The following SGCD variants were observed in gnomAD, a reference collection of about 807,000 sequenced individuals.
The protein encoded by SGCD is delta-sarcoglycan.
A neutral mutation model predicts 36.6 loss-of-function variants in SGCD; 18 were observed. That is an observed-to-expected ratio of 0.49 (90% CI 0.34 to 0.73). The LOEUF (loss-of-function observed/expected upper bound fraction) is 0.73, where lower values mean the gene tolerates loss of function less well. Ranked by LOEUF, SGCD falls within the 30% of genes least tolerant of loss-of-function variation. SGCD has a pLI of 0.01. For missense variants in SGCD, 387 were observed against 346.7 expected (o/e 1.12, Z -0.92); for synonymous variants, 133 against 130.6 (o/e 1.02, Z -0.12).
chr5:156,337,271 C>T (rs1209525952), intron 2 of SGCD, among the ~76,000 whole-genome samples: 2 of 152,182 alleles, frequency 1.3e-5, no homozygotes, highest in Admixed American at 1.3e-4. Flanking sequence ...GTTACAATCT[C>T]ATAGTTACAT....
At chr5:156,383,226 G>A (rs1312581996) in intron 3 of SGCD, among the ~76,000 whole-genome samples, 2 of 152,088 alleles carry the variant, frequency 1.3e-5, no homozygotes, top group Non-Finnish European at 2.9e-5. Context: ...GGTATTGGCC[G>A]GGTGTGGTAG....
intron 3 of SGCD, among the ~76,000 whole-genome samples, chr5:156,412,962 AT>A (rs1282668211): frequency 2.0e-5 from 3 of 150,446 alleles, no homozygotes; most frequent in Admixed American, 6.6e-5. Context: ...CGCCCAGCTA[AT>A]TTTTTTTGTA....
At chr5:156,475,191 T>G (rs776821515) in intron 3 of SGCD, among the ~76,000 whole-genome samples, 10 of 152,270 alleles carry the variant, frequency 6.6e-5, no homozygotes, top group Non-Finnish European at 1.3e-4. Flanking sequence ...AGTTAGCCAT[T>G]CTCCAAGATA....
intron 1 of SGCD, among the ~76,000 whole-genome samples, chr5:155,876,439 T>G (rs1374747866): frequency 1.3e-5 from 2 of 151,922 alleles, no homozygotes; most frequent in Non-Finnish European, 2.9e-5. Context: ...TGAATGGAAG[T>G]GGTTGTGTTA....
chr5:156,683,987 A>G (rs1047876285), intron 7 of SGCD, among the ~76,000 whole-genome samples: 1 of 152,238 alleles, frequency 6.6e-6, no homozygotes, highest in African/African-American at 2.4e-5. Context: ...TTTAACTCAT[A>G]TGTTCACTAG....
chr5:155,993,337 CTTTTTTTTTTTTT>C (rs34221751), intron 1 of SGCD, among the ~76,000 whole-genome samples: 1 of 114,538 alleles, frequency 8.7e-6, no homozygotes, highest in Non-Finnish European at 1.8e-5. Context: ...ATCTGGGGTC[CTTTTTTTTTTTTT>C]TTTTTTTTGA....
At chr5:156,590,958 T>C (rs10475732) in intron 5 of SGCD, among the ~76,000 whole-genome samples, 3,806 of 152,124 alleles carry the variant, frequency 0.025, 122 homozygotes, top group African/African-American at 0.065. Flanking sequence ...CTTGACTCTA[T>C]CCCTCCAGTG....
intron 3 of SGCD, among the ~76,000 whole-genome samples, chr5:156,364,492 T>C (rs1769985118): frequency 6.6e-6 from 1 of 152,168 alleles, no homozygotes; most frequent in Non-Finnish European, 1.5e-5. Context: ...TTGCATAAAT[T>C]GAAAAACCCT....
chr5:155,978,440 AAC>A (rs1190935528), intron 1 of SGCD, among the ~76,000 whole-genome samples: 1 of 152,238 alleles, frequency 6.6e-6, no homozygotes, highest in African/African-American at 2.4e-5. Context: ...AAGGAATGAA[AAC>A]ACAGGCCATA....
the SGCD span, among the ~76,000 whole-genome samples, chr5:155,777,700 AAGG>A: frequency 6.6e-6 from 1 of 152,100 alleles, no homozygotes; most frequent in Non-Finnish European, 1.5e-5. Context: ...TTAGCAGTGA[AAGG>A]AGCCACTGAC....
intron 7 of SGCD, among the ~76,000 whole-genome samples, chr5:156,688,483 A>T (rs1159943764): frequency 6.6e-6 from 1 of 152,158 alleles, no homozygotes. Context: ...ACTCATTCTG[A>T]TTAATTACCT....
chr5:156,042,518 G>T (rs1759663309), intron 1 of SGCD, among the ~76,000 whole-genome samples: 1 of 152,204 alleles, frequency 6.6e-6, no homozygotes, highest in South Asian at 2.1e-4. Context: ...CTGGCTGAAT[G>T]AGAGACTGGA....
intron 1 of SGCD, among the ~76,000 whole-genome samples, chr5:156,047,400 G>A (rs1323344354): frequency 6.6e-6 from 1 of 152,148 alleles, no homozygotes; most frequent in African/African-American, 2.4e-5. Flanking sequence ...AAGGGGAGAA[G>A]TCAATGCCTG....
the SGCD span, among the ~76,000 whole-genome samples, chr5:155,773,137 G>C: frequency 1.3e-5 from 2 of 152,058 alleles, no homozygotes; most frequent in African/African-American, 2.4e-5. Flanking sequence ...GCTAGTGTGT[G>C]GAACTCCCTA....
intron 6 of SGCD, among the ~76,000 whole-genome samples, chr5:156,605,229 T>G (rs1431934204): frequency 1.3e-5 from 2 of 151,858 alleles, no homozygotes; most frequent in African/African-American, 4.8e-5. Flanking sequence ...GGCCTCGGTG[T>G]GTGATGTTCC....
the SGCD span, among the ~76,000 whole-genome samples, chr5:155,863,657 G>A: frequency 6.6e-6 from 1 of 151,534 alleles, no homozygotes; most frequent in Non-Finnish European, 1.5e-5. Flanking sequence ...TGAAACGGTT[G>A]CATTTTCCAT....
At chr5:156,547,733 A>G (rs1309543405) in intron 4 of SGCD, among the ~76,000 whole-genome samples, 2 of 152,076 alleles carry the variant, frequency 1.3e-5, no homozygotes, top group African/African-American at 4.8e-5. Context: ...CGAGCCGATA[A>G]TATCATTTTT....
chr5:155,776,630 A>C, the SGCD span, among the ~76,000 whole-genome samples: 4 of 151,688 alleles, frequency 2.6e-5, no homozygotes, highest in African/African-American at 9.7e-5. Flanking sequence ...TCCTTTCCGC[A>C]ACACCCCCCA....
intron 4 of SGCD, among the ~76,000 whole-genome samples, chr5:156,573,140 A>G (rs1033283025): frequency 1.3e-5 from 2 of 152,120 alleles, no homozygotes; most frequent in African/African-American, 4.8e-5. Context: ...ATACATGGTC[A>G]TTTCTTTTCC....
Sources: allele counts gnomAD v4.1 joint callset (sites outside exome capture counted in the v4.1 genomes callset), GRCh38; gene constraint gnomAD v4.1.1; transcripts MANE v1.5; gene names NCBI Gene and HGNC (gene_info 2026-07-23, HGNC 2026-07-21).